SYT1: variants seen among roughly 807,000 people sequenced by gnomAD.
The protein encoded by SYT1 is synaptotagmin 1.
A neutral mutation model predicts 44.8 loss-of-function variants in SYT1; 8 were observed. The observed-to-expected ratio is 0.18, with a 90% CI of 0.10 to 0.32. The LOEUF (loss-of-function observed/expected upper bound fraction) is 0.32, where lower values mean the gene tolerates loss of function less well. Among genes scored for constraint, SYT1 ranks in the 10% least tolerant of loss-of-function variants. The pLI is 1.00. For synonymous variants in SYT1, 154 were observed against 188.8 expected, an observed-to-expected ratio of 0.82 and a Z score of 1.51; for missense variants, 286 against 509.3, an observed-to-expected ratio of 0.56 and a Z score of 4.22.
intron 2 of SYT1, among the ~76,000 whole-genome samples, chr12:78,988,381 G>A (rs1004612171): frequency 4.7e-5 from 7 of 147,692 alleles, no homozygotes; most frequent in African/African-American, 7.4e-5. Context: ...CCAATATAAT[G>A]TAAGATATAT....
At chr12:79,097,793 C>A (rs1161083053) in intron 3 of SYT1, among the ~76,000 whole-genome samples, 4 of 152,022 alleles carry the variant, frequency 2.6e-5, no homozygotes, top group Non-Finnish European at 5.9e-5. Context: ...TTTAAACTTT[C>A]AAGTATCCTG....
chr12:79,108,631 C>T (rs1445719643), intron 3 of SYT1, among the ~76,000 whole-genome samples: 1 of 152,066 alleles, frequency 6.6e-6, no homozygotes, highest in African/African-American at 2.4e-5. Flanking sequence ...CCTTCTCATA[C>T]ATTTGTGGAT....
chr12:79,371,125 G>A (rs1353423105), intron 9 of SYT1, among the ~76,000 whole-genome samples: 2 of 152,088 alleles, frequency 1.3e-5, no homozygotes, highest in Non-Finnish European at 2.9e-5. Context: ...ACTCTCATGA[G>A]GTAGGTATGG....
At chr12:79,381,629 C>T (rs1262951530) in intron 9 of SYT1, among the ~76,000 whole-genome samples, 1 of 152,160 alleles carries the variant, frequency 6.6e-6, no homozygotes, top group African/African-American at 2.4e-5. Context: ...GAGATAATAC[C>T]TACACCTGTT....
intron 1 of SYT1, among the ~76,000 whole-genome samples, chr12:78,956,297 AT>A (rs765501063): frequency 6.6e-5 from 10 of 152,124 alleles, no homozygotes; most frequent in Non-Finnish European, 1.5e-4. Flanking sequence ...ACACAGACAA[AT>A]AATCTGGAGA....
intron 8 of SYT1, among the ~76,000 whole-genome samples, chr12:79,320,998 T>G (rs1881335088): frequency 6.6e-6 from 1 of 152,176 alleles, no homozygotes; most frequent in South Asian, 2.1e-4. Flanking sequence ...CCTGCTGGCT[T>G]GTGCTCCCTC....
At chr12:79,194,696 T>A (rs1445041175) in intron 3 of SYT1, among the ~76,000 whole-genome samples, 1 of 152,168 alleles carries the variant, frequency 6.6e-6, no homozygotes, top group African/African-American at 2.4e-5. Context: ...ATATCTTAAA[T>A]TAATTTGTGA....
At chr12:79,111,883 A>G (rs572339939) in intron 3 of SYT1, among the ~76,000 whole-genome samples, 2 of 152,208 alleles carry the variant, frequency 1.3e-5, no homozygotes, top group Non-Finnish European at 2.9e-5. Context: ...AAAAAATTTT[A>G]CTACACCGAA....
intron 3 of SYT1, among the ~76,000 whole-genome samples, chr12:79,049,391 C>CTT (rs1478946720): frequency 1.3e-5 from 2 of 151,806 alleles, no homozygotes; most frequent in African/African-American, 4.8e-5. Flanking sequence ...TGGTTTGGAG[C>CTT]AGGTTTTAAT....
chr12:78,903,604 T>C (rs1245671075), intron 1 of SYT1, among the ~76,000 whole-genome samples: 1 of 152,156 alleles, frequency 6.6e-6, no homozygotes, highest in Admixed American at 6.6e-5. Context: ...GTATATTTTA[T>C]ATGTAACACT....
chr12:79,319,956 T>TAAAAATAC (rs1472624045), intron 8 of SYT1, among the ~76,000 whole-genome samples: 3 of 152,224 alleles, frequency 2.0e-5, no homozygotes, highest in Non-Finnish European at 2.9e-5. Context: ...GTGAAGTGTG[T>TAAAAATAC]ATTTTAATGT....
chr12:79,115,059 AATT>A (rs777624069), intron 3 of SYT1, among the ~76,000 whole-genome samples: 27 of 152,178 alleles, frequency 1.8e-4, no homozygotes, highest in Non-Finnish European at 3.4e-4. Flanking sequence ...AAAATGCTGC[AATT>A]ATTCTGTTAT....
At chr12:79,413,925 A>G (rs182545343) in intron 9 of SYT1, among the ~76,000 whole-genome samples, 270 of 152,286 alleles carry the variant, frequency 1.8e-3, no homozygotes, top group Non-Finnish European at 1.8e-3. Context: ...CTATAAGCCT[A>G]ACAGTTCTTT....
rs140376769 is a variant in SYT1, at chr12:79,413,390, A to G, written c.929-30683A>G. Among the ~76,000 whole-genome samples the G allele has an allele frequency of 1.7e-3, 252 of 152,332 alleles. 1 individual carries two copies. The highest frequency in any genetic ancestry group is 5.7e-3 in the African/African-American group (236 of 41,576). On this transcript the variant is annotated intron_variant, in intron 9 of 10. Transcript: ENST00000261205. ...ATTTAATTCAAGTAGTCAATAAACC[A>G]CAAGATCTGTCTGCTCAACTATTTT...
chr12:79,217,688 G>A lies in SYT1; in HGVS notation c.166+3G>A. The stretch of plus-strand genomic sequence containing the variant: ...GAATGAGTTGCATAAAATTCCATGT[G>A]AGTATTCTATATTAGTACTTGAGTA... On this transcript the variant is annotated splice_donor_region_variant and intron_variant, in intron 4 of 10. Transcript: ENST00000261205. 1.9e-6 allele frequency: 3 copies of A among 1,610,958 alleles called. No homozygotes were observed. Among genetic ancestry groups the A allele is most frequent in the Middle Eastern group, 1.7e-4 (1 of 6,050 alleles).
intron 9 of SYT1, among the ~76,000 whole-genome samples, chr12:79,437,857 A>C (rs1453150991): frequency 6.6e-6 from 1 of 152,170 alleles, no homozygotes; most frequent in African/African-American, 2.4e-5. Flanking sequence ...ATCCTATCAA[A>C]CATGTGTTAA....
chr12:79,079,517 T>C (rs908645709), intron 3 of SYT1, among the ~76,000 whole-genome samples: 1 of 151,988 alleles, frequency 6.6e-6, no homozygotes, highest in Non-Finnish European at 1.5e-5. Context: ...ATATATATGT[T>C]GTTATTTAAA....
At chr12:79,372,128 C>T (rs1435983834) in intron 9 of SYT1, among the ~76,000 whole-genome samples, 1 of 152,180 alleles carries the variant, frequency 6.6e-6, no homozygotes, top group African/African-American at 2.4e-5. Flanking sequence ...TTATCACACA[C>T]TGTAGGTATT....
At chr12:79,180,020 C>T (rs754189081) in intron 3 of SYT1, among the ~76,000 whole-genome samples, 2 of 151,920 alleles carry the variant, frequency 1.3e-5, no homozygotes, top group Non-Finnish European at 1.5e-5. Context: ...TAATGATGTA[C>T]TTTGTGCATG....
Sources: allele counts gnomAD v4.1 joint callset (sites outside exome capture counted in the v4.1 genomes callset), GRCh38; gene constraint gnomAD v4.1.1; transcripts MANE v1.5; gene names NCBI Gene and HGNC (gene_info 2026-07-23, HGNC 2026-07-21).